ASB3: variants seen among roughly 807,000 people sequenced by gnomAD.
The protein encoded by ASB3 is ankyrin repeat and SOCS box protein 3.
ASB3 carries 41 observed loss-of-function variants against 54.5 expected under a neutral mutation model. The observed-to-expected ratio is 0.75, with a 90% CI of 0.59 to 0.98. The LOEUF (loss-of-function observed/expected upper bound fraction) is 0.98. Ranked by LOEUF, ASB3 falls within the 50% of genes least tolerant of loss-of-function variation. ASB3 has a pLI of 0.00. For synonymous variants in ASB3, 266 were observed against 221.2 expected, an observed-to-expected ratio of 1.20 and a Z score of -1.80; for missense variants, 733 against 620.0, an observed-to-expected ratio of 1.18 and a Z score of -1.94.
intron 1 of ASB3, among the ~76,000 whole-genome samples, chr2:53,769,239 G>A (rs758771731): frequency 1.3e-5 from 2 of 152,180 alleles, no homozygotes; most frequent in South Asian, 2.1e-4. Flanking sequence ...GGCTGGGCCC[G>A]GTAGCTCACG....
At chr2:53,704,315 A>T (rs1304223621) in intron 7 of ASB3, among the ~76,000 whole-genome samples, 1 of 150,220 alleles carries the variant, frequency 6.7e-6, no homozygotes, top group Non-Finnish European at 1.5e-5. Context: ...AGTCAAGATC[A>T]CGCCACTGCA....
chr2:53,765,511 C>T lies in ASB3; in HGVS notation c.62G>A (p.Gly21Asp), dbSNP rs148027593. 5 of 1,614,092 alleles carry T rather than the reference C, an allele frequency of 3.1e-6. No individual in the cohort carries two copies. Among genetic ancestry groups the T allele is most frequent in the Non-Finnish European group, 3.4e-6 (4 of 1,180,044 alleles). The change falls in exon 2 of 10, where the codon GGC (glycine) becomes GAC (aspartate). Residue 21 changes from glycine to aspartate, a missense_variant. By Grantham distance (94) the Gly-to-Asp change is moderately conservative. Transcript: ENST00000263634. ...CSTVGLAARE[G>D]NVKVLRKLLK... is the part of the protein sequence containing the mutation. ...CAGTTTCCTTAAGACTTTAACATTG[C>T]CTTCCCTGGCAGCAAGTCCAACTGT...
chr2:53,714,550 G>A lies in ASB3; in HGVS notation c.814C>T (p.Arg272Trp), dbSNP rs762496261. 18 of 1,613,972 alleles carry A rather than the reference G, an allele frequency of 1.1e-5. No homozygotes were observed. The highest frequency in any genetic ancestry group is 2.2e-5 in the South Asian group (2 of 91,082). The change falls in exon 7 of 10, where the codon CGG becomes TGG. Residue 272 changes from arginine (R) to tryptophan (W), a missense_variant. Arg to Trp is a moderately radical substitution (Grantham distance 101). Coordinates refer to ENST00000263634, the MANE Select transcript of ASB3 (RefSeq NM_016115.5). Reference protein sequence around the residue: ...ILDLLIPLTNRACDTGLNKVS... With the variant: ...ILDLLIPLTNWACDTGLNKVS... ...TTGTTTAGCCCAGTGTCACAGGCCC[G>A]GTTAGTAAGTGGTATTAACAAGTCC...
chr2:53,763,192 G>A (rs1369575460), intron 2 of ASB3, among the ~76,000 whole-genome samples: 1 of 152,094 alleles, frequency 6.6e-6, no homozygotes, highest in Non-Finnish European at 1.5e-5. Flanking sequence ...ACCAGCCTCG[G>A]CAACAAAGTG....
intron 2 of ASB3, among the ~76,000 whole-genome samples, chr2:53,755,607 G>C (rs1672770058): frequency 6.6e-6 from 1 of 152,072 alleles, no homozygotes; most frequent in Non-Finnish European, 1.5e-5. Context: ...TTTTATTTAG[G>C]TATTATAAGA....
intron 9 of ASB3, among the ~76,000 whole-genome samples, chr2:53,674,174 T>A (rs1426885510): frequency 6.6e-6 from 1 of 152,216 alleles, no homozygotes; most frequent in African/African-American, 2.4e-5. Context: ...CATGAAAACC[T>A]ATTAAAACTA....
intron 9 of ASB3, among the ~76,000 whole-genome samples, chr2:53,678,088 C>T (rs1312163700): frequency 6.6e-6 from 1 of 151,936 alleles, no homozygotes; most frequent in African/African-American, 2.4e-5. Flanking sequence ...GAAGTGATTA[C>T]TACAGTCAAA....
In ASB3 at chr2:53,760,543, G is replaced by A. The variant is rs182406117; in HGVS notation, c.196+4834C>T. 3.5e-3 allele frequency among the ~76,000 whole-genome samples: 532 copies of A among 152,324 alleles called. 1 individual carries two copies. The highest frequency in any genetic ancestry group is 6.1e-3 in the Non-Finnish European group (417 of 68,026). ...GGCCCAGTACTCAGCAGAAGAAATA[G>A]AATGGGGAACCTCAAGAGTACATAG... On this transcript the variant is annotated intron_variant, in intron 2 of 9. Transcript: ENST00000263634.
At chr2:53,676,012 T>C (rs1001451003) in intron 9 of ASB3, among the ~76,000 whole-genome samples, 1 of 152,208 alleles carries the variant, frequency 6.6e-6, no homozygotes, top group East Asian at 1.9e-4. Context: ...GTAGGTTGCA[T>C]AGCTATTTAT....
chr2:53,712,771 C>CAG (rs1167378559), intron 7 of ASB3, among the ~76,000 whole-genome samples: 30 of 151,014 alleles, frequency 2.0e-4, no homozygotes, highest in African/African-American at 7.1e-4. Context: ...CACACACAGG[C>CAG]GCGCGCGCGC....
rs909210852 is a variant in ASB3, at chr2:53,670,266, A to G, written c.*237T>C. 1 of 382,644 alleles carries G rather than the reference A, an allele frequency of 2.6e-6. No individual in the cohort carries two copies. Among genetic ancestry groups the G allele is most frequent in the African/African-American group, 2.1e-5 (1 of 47,172 alleles). 23.7% of individuals were successfully genotyped at this position (382,644 alleles called of 1,614,324 possible). On this transcript the variant is annotated 3_prime_UTR_variant, in exon 10 of 10. Coordinates refer to ENST00000263634, the MANE Select transcript of ASB3 (RefSeq NM_016115.5). ...ATAATGTACTGGTGATGAAGCTGCAATAAAGTAATATAAGTGATGTTTACA... is the reference window on the plus strand; with the variant it reads ...ATAATGTACTGGTGATGAAGCTGCAGTAAAGTAATATAAGTGATGTTTACA...
intron 7 of ASB3, among the ~76,000 whole-genome samples, chr2:53,702,896 A>G (rs1669568988): frequency 6.6e-6 from 1 of 152,276 alleles, no homozygotes; most frequent in Non-Finnish European, 1.5e-5. Flanking sequence ...TAGGTGAATT[A>G]TAACAGGCCA....
chr2:53,783,856 C>G (rs549286492), intron 1 of ASB3, among the ~76,000 whole-genome samples: 1 of 152,134 alleles, frequency 6.6e-6, no homozygotes, highest in Admixed American at 6.5e-5. Flanking sequence ...ATTAGTTATA[C>G]CCCTACAAGG....
chr2:53,689,286 A>G (rs1446279028), intron 9 of ASB3, among the ~76,000 whole-genome samples: 3 of 152,208 alleles, frequency 2.0e-5, no homozygotes, highest in Admixed American at 1.3e-4. Flanking sequence ...CATTACCATA[A>G]GGTTGAAGTC....
intron 3 of ASB3, among the ~76,000 whole-genome samples, chr2:53,734,196 G>T (rs532042620): frequency 1.3e-5 from 2 of 152,222 alleles, no homozygotes; most frequent in African/African-American, 4.8e-5. Context: ...GCCAGTTTAT[G>T]GCCACATTTT....
chr2:53,672,693 A>G (rs1247608252), intron 9 of ASB3, among the ~76,000 whole-genome samples: 1 of 152,130 alleles, frequency 6.6e-6, no homozygotes, highest in African/African-American at 2.4e-5. Flanking sequence ...TTATTTATGT[A>G]TTTTTTACTC....
chr2:53,727,506 T>G (rs1671067879), intron 5 of ASB3, among the ~76,000 whole-genome samples: 1 of 151,888 alleles, frequency 6.6e-6, no homozygotes, highest in Non-Finnish European at 1.5e-5. Flanking sequence ...CATGGTGAAA[T>G]GCACCTGTAA....
chr2:53,736,961 G>A (rs976027415), intron 3 of ASB3, among the ~76,000 whole-genome samples: 5 of 152,128 alleles, frequency 3.3e-5, no homozygotes, highest in African/African-American at 4.8e-5. Context: ...TCCAGCCTAG[G>A]CAACAGAGCA....
intron 8 of ASB3, among the ~76,000 whole-genome samples, chr2:53,699,537 A>T (rs553240899): frequency 6.6e-6 from 1 of 152,362 alleles, no homozygotes; most frequent in South Asian, 2.1e-4. Context: ...GTAAGAATTG[A>T]AACACGAAAG....
Sources: allele counts gnomAD v4.1 joint callset (sites outside exome capture counted in the v4.1 genomes callset), GRCh38; gene constraint gnomAD v4.1.1; transcripts MANE v1.5; gene names NCBI Gene and HGNC (gene_info 2026-07-23, HGNC 2026-07-21).